Variants in NRG1 observed in about 807,000 individuals in gnomAD.
NRG1 encodes neuregulin 1, also known as pro-neuregulin-1, membrane-bound isoform.
A neutral mutation model predicts 63.8 loss-of-function variants in NRG1; 18 were observed. The ratio of observed to expected loss-of-function variants is 0.28; its 90% confidence interval spans 0.19 to 0.42. The LOEUF (loss-of-function observed/expected upper bound fraction) is 0.42. Among genes scored for constraint, NRG1 ranks in the 10% least tolerant of loss-of-function variants. The pLI is 1.00. For missense variants in NRG1, 762 were observed against 814.7 expected, an observed-to-expected ratio of 0.94 and a Z score of 0.79; for synonymous variants, 302 against 301.3, an observed-to-expected ratio of 1.00 and a Z score of -0.02.
intron 1 of NRG1, among the ~76,000 whole-genome samples, chr8:31,851,501 A>G (rs1436105044): frequency 6.6e-6 from 1 of 152,138 alleles, no homozygotes; most frequent in Non-Finnish European, 1.5e-5. Context: ...ACTGAAAGGC[A>G]TTTTATTTTT....
At chr8:32,412,866 T>C (rs1306689227) in intron 1 of NRG1, among the ~76,000 whole-genome samples, 1 of 152,204 alleles carries the variant, frequency 6.6e-6, no homozygotes, top group Non-Finnish European at 1.5e-5. Flanking sequence ...ATGCAGCATA[T>C]GACTGTATAT....
rs375152803 is a variant in NRG1, at chr8:32,643,462, C to T, written c.502+26577C>T. On this transcript the variant is annotated intron_variant, in intron 5 of 11. Transcript: ENST00000356819. Reference sequence around the variant, plus strand: ...GAGGCCACAGGTTGGTGCACCATTTCACAGTGCCGGCTGGCATCTAGCAGC... The same window carrying T: ...GAGGCCACAGGTTGGTGCACCATTTTACAGTGCCGGCTGGCATCTAGCAGC... 1.6e-4 allele frequency among the ~76,000 whole-genome samples: 24 copies of T among 152,300 alleles called. No homozygotes were observed. The East Asian group carries it at 3.5e-3, about 22-fold the overall frequency.
At chr8:32,414,518 G>A (rs78786229) in intron 1 of NRG1, among the ~76,000 whole-genome samples, 2,925 of 152,170 alleles carry the variant, frequency 0.019, 89 homozygotes, top group African/African-American at 0.066. Flanking sequence ...CAAGACAGCC[G>A]TCCGTGTCAG....
At chr8:31,924,739 T>A (rs116732066) in intron 1 of NRG1, among the ~76,000 whole-genome samples, 5,846 of 152,016 alleles carry the variant, frequency 0.038, 374 homozygotes, top group African/African-American at 0.13. Context: ...ATATGCATGT[T>A]AGGCCGTAAG....
At chr8:32,216,702 T>G (rs1563918370) in intron 1 of NRG1, among the ~76,000 whole-genome samples, 2 of 150,398 alleles carry the variant, frequency 1.3e-5, no homozygotes, top group Non-Finnish European at 3.0e-5. Context: ...AAATTATATT[T>G]TTAGATGTAA....
intron 1 of NRG1, among the ~76,000 whole-genome samples, chr8:31,949,135 T>C (rs1803077419): frequency 6.6e-6 from 1 of 152,250 alleles, no homozygotes; most frequent in South Asian, 2.1e-4. Flanking sequence ...TAATGTATTT[T>C]GAGTAGTTAC....
chr8:32,036,700 CT>C (rs1819126062), intron 1 of NRG1, among the ~76,000 whole-genome samples: 1 of 152,100 alleles, frequency 6.6e-6, no homozygotes, highest in African/African-American at 2.4e-5. Flanking sequence ...CTCTGATATC[CT>C]TTTTTTCCAC....
At chr8:31,858,658 C>T (rs913964570) in intron 1 of NRG1, among the ~76,000 whole-genome samples, 1 of 152,096 alleles carries the variant, frequency 6.6e-6, no homozygotes. Context: ...CTGGTCTGAT[C>T]CACTACAGCT....
intron 1 of NRG1, among the ~76,000 whole-genome samples, chr8:32,232,658 C>T (rs908031807): frequency 2.6e-5 from 4 of 152,120 alleles, no homozygotes; most frequent in African/African-American, 9.7e-5. Flanking sequence ...TGTCCCTGGT[C>T]ATGAAATTTC....
At chr8:31,722,900 T>A (rs1356023644) in intron 1 of NRG1, among the ~76,000 whole-genome samples, 1 of 152,150 alleles carries the variant, frequency 6.6e-6, no homozygotes, top group Non-Finnish European at 1.5e-5. Flanking sequence ...GGGTGATTGA[T>A]CAGCTTAAAT....
At chr8:31,969,287 AT>A (rs1490260698) in intron 1 of NRG1, among the ~76,000 whole-genome samples, 1 of 152,204 alleles carries the variant, frequency 6.6e-6, no homozygotes, top group Non-Finnish European at 1.5e-5. Flanking sequence ...GAAACATGAA[AT>A]TCTAAGAATT....
intron 1 of NRG1, among the ~76,000 whole-genome samples, chr8:32,263,790 G>A (rs565448216): frequency 1.2e-4 from 18 of 152,204 alleles, no homozygotes; most frequent in African/African-American, 3.6e-4. Context: ...TTCTTAATTC[G>A]TCATCAGTGT....
intron 1 of NRG1, among the ~76,000 whole-genome samples, chr8:32,494,242 C>T (rs757513465): frequency 2.4e-4 from 37 of 152,148 alleles, no homozygotes; most frequent in African/African-American, 7.5e-4. Flanking sequence ...TATTGTAGAA[C>T]ATTTGGAAAC....
At chr8:32,544,723 A>T (rs73234132), upstream of NRG1, among the ~76,000 whole-genome samples, 27,460 of 119,210 alleles carry the variant, frequency 0.23, 3,536 homozygotes, top group Admixed American at 0.41. Context: ...GGATTTCCTC[A>T]TGTTGCCCAG....
Position 32,112,317 on chromosome 8 carries a change from A to G in NRG1, c.37+472886A>G, listed in dbSNP as rs928180969. 4.6e-5 allele frequency among the ~76,000 whole-genome samples: 7 copies of G among 152,350 alleles called. 1 individual carries two copies. The South Asian group carries it at 1.0e-3, about 23-fold the overall frequency. On this transcript the variant is annotated intron_variant, in intron 1 of 10. Transcript: ENST00000519301. ...CAGAATTATTCCAGAAAGTGAGGCT[A>G]TGAAGGTTTCATTGTAGGAAAATCT...
intron 1 of NRG1, among the ~76,000 whole-genome samples, chr8:32,366,677 G>GTGTGTATATATA (rs1164696498): frequency 5.8e-4 from 51 of 87,446 alleles, no homozygotes; most frequent in Non-Finnish European, 7.8e-4. Context: ...GTGTGTGTGT[G>GTGTGTATATATA]TATATATATA....
At chr8:31,707,358 C>G (rs190180250) in intron 1 of NRG1, among the ~76,000 whole-genome samples, 1 of 152,094 alleles carries the variant, frequency 6.6e-6, no homozygotes, top group East Asian at 1.9e-4. Flanking sequence ...TCTCTTTGGT[C>G]TGTTTATTTA....
intron 1 of NRG1, among the ~76,000 whole-genome samples, chr8:31,946,314 A>G (rs546727175): frequency 6.6e-6 from 1 of 152,288 alleles, no homozygotes; most frequent in African/African-American, 2.4e-5. Flanking sequence ...ACTATAGATG[A>G]TAGGAAGAGA....
intron 1 of NRG1, among the ~76,000 whole-genome samples, chr8:31,953,625 G>C (rs561371868): frequency 2.0e-5 from 3 of 152,218 alleles, no homozygotes; most frequent in Admixed American, 6.5e-5. Flanking sequence ...TCACTGTAAA[G>C]GCCAGAACTT....
Sources: gnomAD v4.1 joint callset for allele counts (sites outside exome capture counted in the v4.1 genomes callset) on GRCh38, gnomAD v4.1.1 for gene constraint, MANE v1.5 for transcripts, NCBI Gene and HGNC (gene_info 2026-07-23, HGNC 2026-07-21) for gene names.